LHX9: variants seen among roughly 807,000 people sequenced by gnomAD.
LHX9 encodes the protein LIM homeobox 9.
In LHX9, 9 loss-of-function variants were observed where a neutral mutation model predicts 36.5. That is an observed-to-expected ratio of 0.25 (90% CI 0.15 to 0.43). The LOEUF (loss-of-function observed/expected upper bound fraction) is 0.43. LHX9 is among the 20% of genes least tolerant of loss of function. LHX9 has a pLI of 1.00. For missense variants in LHX9, 464 were observed against 526.4 expected (o/e 0.88, Z 1.16); for synonymous variants, 211 against 212.1 (o/e 0.99, Z 0.04).
At position 197,921,792 on chromosome 1, in the gene LHX9, C is replaced by T; in HGVS notation, c.733+133C>T. 1.4e-6 allele frequency: 1 copy of T among 734,030 alleles called. No individual in the cohort carries two copies. The highest frequency in any genetic ancestry group is 2.2e-6 in the Non-Finnish European group (1 of 461,294). 45.5% of individuals were successfully genotyped at this position (734,030 alleles called of 1,614,324 possible). On this transcript the variant is annotated intron_variant, in intron 3 of 4. Coordinates refer to ENST00000367387, the MANE Select transcript of LHX9 (RefSeq NM_020204.3). This position sits in a 1 kb window ranked among gnomAD's most constrained non-coding sequence, Gnocchi z 4.6. ...GCCTCTGTTCTCACTGCAACTCCCTCTCACTCTGAAGGAAGGGAGAGAGGG... is the reference window on the plus strand; with the variant it reads ...GCCTCTGTTCTCACTGCAACTCCCTTTCACTCTGAAGGAAGGGAGAGAGGG...
intron 4 of LHX9, among the ~76,000 whole-genome samples, chr1:197,928,034 C>T (rs1332618906): frequency 6.6e-6 from 1 of 152,172 alleles, no homozygotes; most frequent in Non-Finnish European, 1.5e-5. Context: ...GAGATGGGCC[C>T]TCCAAAGGCA....
intron 3 of LHX9, among the ~76,000 whole-genome samples, chr1:197,922,023 G>C (rs1660006996): frequency 6.6e-6 from 1 of 150,844 alleles, no homozygotes; most frequent in Non-Finnish European, 1.5e-5. Flanking sequence ...CCAAATTATA[G>C]ATCCTGTAGG....
intron 3 of LHX9, among the ~76,000 whole-genome samples, chr1:197,925,892 C>T (rs1660128527): frequency 6.6e-6 from 1 of 152,164 alleles, no homozygotes; most frequent in South Asian, 2.1e-4. Context: ...TGATTGAATG[C>T]TTCTTGAGCT....
At position 197,917,519 on chromosome 1, in the gene LHX9, T is replaced by G; in HGVS notation, c.-305T>G. The G allele has an allele frequency of 4.3e-6, 6 of 1,409,158 alleles. No homozygotes were observed. Among genetic ancestry groups the G allele is most frequent in the Admixed American group, 4.3e-5 (2 of 46,448 alleles). 87.3% of individuals were successfully genotyped at this position (1,409,158 alleles called of 1,614,324 possible). A position where few individuals can be genotyped will look rare whatever the true frequency, so the allele number is the denominator to read the frequency against. ...CTCCCCCCGCTGCAGTTGTTTCCCA[T>G]TAGTAACTCGATCTCTCAGAGCAGT... is the stretch of plus-strand genomic sequence containing the variant. On this transcript the variant is annotated 5_prime_UTR_variant, in exon 1 of 5. Transcript: ENST00000367387.
upstream of LHX9, chr1:197,917,299 C>T: frequency 2.4e-6 from 3 of 1,235,800 alleles, no homozygotes; most frequent in Non-Finnish European, 3.1e-6. Flanking sequence ...GGGGAGAGAA[C>T]TCCTCCTACT....
At chr1:197,918,039 C>T in intron 1 of LHX9, 42 bp downstream of exon 1, 1 of 1,592,000 alleles carries the variant, frequency 6.3e-7, no homozygotes, top group Non-Finnish European at 8.5e-7. Context: ...GGCACCCCTG[C>T]GCCCTCTGTT....
intron 3 of LHX9, 52 bp from the exon 4 acceptor site, chr1:197,927,539 C>T: frequency 6.8e-7 from 1 of 1,481,366 alleles, no homozygotes; most frequent in Non-Finnish European, 9.4e-7. Context: ...ATCATGTCAG[C>T]TAATGCAAGA....
intron 4 of LHX9, 100 bp from the exon 5 acceptor site, chr1:197,928,902 A>AAG (rs1461643001): frequency 1.5e-5 from 20 of 1,349,454 alleles, no homozygotes; most frequent in South Asian, 3.5e-5. Context: ...TCAAAAAAAA[A>AAG]AAAGAAAGAA....
chr1:197,928,918 A>C (rs1660232794), intron 4 of LHX9, 84 bp from the exon 5 acceptor site: 1 of 1,379,116 alleles, frequency 7.3e-7, no homozygotes, highest in African/African-American at 1.5e-5. Flanking sequence ...AAGAAAGAAA[A>C]AGAAAAAAAG....
rs895395023 is a variant in LHX9, at chr1:197,929,344, CTTT to C, written c.*92_*94del. The C allele has an allele frequency of 8.5e-7, 1 of 1,176,556 alleles. No individual in the cohort carries two copies. Among genetic ancestry groups the C allele is most frequent in the Non-Finnish European group, 1.1e-6 (1 of 947,110 alleles). 72.9% of individuals were successfully genotyped at this position (1,176,556 alleles called of 1,614,324 possible). ...TATTATTATTTTATTATTTACAAGA[CTTT>C]TTTTTTCTTCTAACCCACAAGATAT... is the stretch of plus-strand genomic sequence containing the variant. On this transcript the variant is annotated 3_prime_UTR_variant, in exon 5 of 5. Transcript: ENST00000367387.
intron 3 of LHX9, among the ~76,000 whole-genome samples, chr1:197,924,560 T>C (rs774702579): frequency 1.5e-4 from 23 of 152,240 alleles, no homozygotes; most frequent in Non-Finnish European, 2.1e-4. Flanking sequence ...GAAGATTTAG[T>C]TTAGGATAGG....
chr1:197,914,966 A>G (rs1327780440), upstream of LHX9, among the ~76,000 whole-genome samples: 1 of 151,754 alleles, frequency 6.6e-6, no homozygotes, highest in Non-Finnish European at 1.5e-5. Context: ...GGATGATTGG[A>G]GGGCTTACAA....
chr1:197,921,282 T>C lies in LHX9; in HGVS notation c.378-22T>C. ...CTCTGCCTTGCTTCAACTAGCGCCCTGACTCAACTCTTTCCTTCCAGAAGG... is the reference window on the plus strand; with the variant it reads ...CTCTGCCTTGCTTCAACTAGCGCCCCGACTCAACTCTTTCCTTCCAGAAGG... On this transcript the variant is annotated intron_variant, in intron 2 of 4. Coordinates refer to ENST00000367387, the MANE Select transcript of LHX9 (RefSeq NM_020204.3). This position sits in a 1 kb window ranked among gnomAD's most constrained non-coding sequence, Gnocchi z 4.6. The C allele has an allele frequency of 6.3e-7, 1 of 1,592,800 alleles. No individual in the cohort carries two copies.
upstream of LHX9, among the ~76,000 whole-genome samples, chr1:197,914,026 A>C (rs1267822948): frequency 6.6e-6 from 1 of 152,174 alleles, no homozygotes; most frequent in Non-Finnish European, 1.5e-5. Flanking sequence ...AGGGCGCTGC[A>C]GTCTTTTTGA....
chr1:197,930,804 A>G lies in LHX9; in HGVS notation c.*1545A>G, dbSNP rs1005539757. ...AAAAGATGATGGAAGATAAGTTAAC[A>G]CTGTAACAGAAGAAAGGTGTGATTG... On this transcript the variant is annotated 3_prime_UTR_variant, in exon 5 of 5. Transcript: ENST00000367387. 6.6e-6 allele frequency: 1 copy of G among 152,130 alleles called. No homozygotes were observed. The highest frequency in any genetic ancestry group is 2.4e-5 in the African/African-American group (1 of 41,572). The allele number at this position is 152,130 out of a possible 1,614,324, so 9.4% of individuals were successfully genotyped here.
intron 3 of LHX9, among the ~76,000 whole-genome samples, chr1:197,923,450 A>G (rs1268993535): frequency 2.0e-5 from 3 of 151,940 alleles, no homozygotes; most frequent in African/African-American, 7.3e-5. Context: ...TTATTAATAG[A>G]AGGTGACATT....
Position 197,921,409 on chromosome 1 carries a change from C to T in LHX9, c.483C>T (p.Cys161=). Reference sequence around the variant, plus strand: ...TCTACCACCTGAGCTGCTTCACCTGCTCCACTTGCAACAAGACTCTGACCA... The same window carrying T: ...TCTACCACCTGAGCTGCTTCACCTGTTCCACTTGCAACAAGACTCTGACCA... The part of the protein sequence containing the change: ...DSVYHLSCFT[C]STCNKTLTTG... Residue 161 remains cysteine, a synonymous_variant, in exon 3 of 5, where the codon TGC becomes TGT. Coordinates refer to ENST00000367387, the MANE Select transcript of LHX9 (RefSeq NM_020204.3). The surrounding 1 kb of genome is among the most constrained non-coding windows in gnomAD (Gnocchi z 4.6). 6.2e-7 allele frequency: 1 copy of T among 1,614,236 alleles called. No homozygotes were observed. Among genetic ancestry groups the T allele is most frequent in the South Asian group, 1.1e-5 (1 of 91,086 alleles).
At chr1:197,927,463 T>G in intron 3 of LHX9, 128 bp from the exon 4 acceptor site, 1 of 764,626 alleles carries the variant, frequency 1.3e-6, no homozygotes, top group Non-Finnish European at 2.3e-6. Flanking sequence ...TAGATACTAC[T>G]CATAATTGGG....
At chr1:197,914,977 A>T (rs1571395615), upstream of LHX9, among the ~76,000 whole-genome samples, 1 of 152,078 alleles carries the variant, frequency 6.6e-6, no homozygotes, top group East Asian at 1.9e-4. Context: ...GGGCTTACAA[A>T]ACCTCTGTGT....
Sources: gnomAD v4.1 joint callset for allele counts (sites outside exome capture counted in the v4.1 genomes callset) on GRCh38, gnomAD v4.1.1 for gene constraint, Gnocchi (gnomAD v3.1) non-coding constraint, MANE v1.5 for transcripts, NCBI Gene and HGNC (gene_info 2026-07-23, HGNC 2026-07-21) for gene names.